The following ZNF829 variants were observed in gnomAD, a reference collection of about 807,000 sequenced individuals.
ZNF829 encodes zinc finger protein 829.
Under a neutral mutation model 35.2 loss-of-function variants are expected in ZNF829, and 25 were observed. The ratio of observed to expected loss-of-function variants is 0.71; its 90% CI spans 0.52 to 0.99. The LOEUF is 0.99. ZNF829 is among the 50% of genes least tolerant of loss of function. ZNF829 has a pLI of 0.00. For missense variants in ZNF829, 417 were observed against 515.3 expected (o/e 0.81, Z 1.85); for synonymous variants, 136 against 163.2 (o/e 0.83, Z 1.27).
Position 36,914,989 on chromosome 19 carries a change from A to G in ZNF829, c.72T>C (p.Asp24=). The G allele has an allele frequency of 6.2e-7, 1 of 1,614,200 alleles. No individual in the cohort carries two copies. The highest frequency in any genetic ancestry group is 8.5e-7 in the Non-Finnish European group (1 of 1,180,024). The change falls in exon 3 of 6, where the codon GAT becomes GAC. Residue 24 remains aspartate (D), a synonymous_variant. Transcript: ENST00000391711. ...CHPEEEERMH[D]ELLQAVSKGP... ...CCTTGGATACTGCTTGTAGAAGTTC[A>G]TCATGCATTCTTTCCTCCTCTTCTG...
chr19:36,915,706 T>G, intron 1 of ZNF829: 1 of 708,116 alleles, frequency 1.4e-6, no homozygotes, highest in South Asian at 1.8e-5. Context: ...CAAGTGATTC[T>G]CCTGCCTCAG....
chr19:36,889,996 T>A lies in ZNF829; in HGVS notation c.*1496A>T, dbSNP rs191057402. 2 of 152,218 alleles carry A rather than the reference T, an allele frequency of 1.3e-5. No homozygotes were observed. Among genetic ancestry groups the A allele is most frequent in the African/African-American group, 4.8e-5 (2 of 41,470 alleles). 9.4% of individuals were successfully genotyped at this position (152,218 alleles called of 1,614,324 possible). On this transcript the variant is annotated 3_prime_UTR_variant, in exon 6 of 6. Coordinates refer to ENST00000391711, the MANE Select transcript of ZNF829 (RefSeq NM_001037232.4). ...TATTTTCATTTATTTCAAAAAATTT[T>A]AAATTTCCACCTTAGTTTCATCATT...
At chr19:36,915,958 G>A (rs2073324078) in intron 1 of ZNF829, 53 bp downstream of exon 1, 4 of 1,532,748 alleles carry the variant, frequency 2.6e-6, no homozygotes, top group East Asian at 2.5e-5. Flanking sequence ...CAGTCATCCC[G>A]GATGGGAACT....
intron 5 of ZNF829, among the ~76,000 whole-genome samples, chr19:36,900,261 A>C (rs1257101262): frequency 6.6e-6 from 1 of 151,656 alleles, no homozygotes; most frequent in Non-Finnish European, 1.5e-5. Flanking sequence ...GAGGCATGAG[A>C]ATCACTTGAA....
rs1471853016 is a variant in ZNF829, at chr19:36,915,117, C to G, written c.38+13G>C. The G allele has an allele frequency of 1.2e-6, 2 of 1,614,032 alleles. No homozygotes were observed. Among genetic ancestry groups the G allele is most frequent in the African/African-American group, 1.3e-5 (1 of 74,980 alleles). On this transcript the variant is annotated intron_variant, in intron 2 of 5. Transcript: ENST00000391711. ...TAGTCAAGTAAGAGTTCTTCCCCAG[C>G]CCCATTACCCACCACACATGAGGAA...
At position 36,891,767 on chromosome 19, in the gene ZNF829, GGTTA is replaced by G. The variant is rs2073055738; in HGVS notation, c.1020_1023del (p.Asn341IlefsTer93). On this transcript the variant is annotated frameshift_variant, in exon 6 of 6. Transcript: ENST00000391711. LOFTEE classifies it high-confidence loss of function. ...TTCTCACCAGCATGAATTCTGTGAT[GGTTA>G]GTAAGTGTTGAGGCACTATTAAAGG... 3 of 1,614,022 alleles carry G rather than the reference GGTTA, an allele frequency of 1.9e-6. No homozygotes were observed. Among genetic ancestry groups the G allele is most frequent in the South Asian group, 1.1e-5 (1 of 91,080 alleles).
chr19:36,907,700 A>G (rs1334743318), intron 5 of ZNF829: 4 of 400,550 alleles, frequency 1.0e-5, no homozygotes, highest in African/African-American at 8.5e-5. Context: ...ATCTAAACGT[A>G]GCGTATCATA....
chr19:36,916,013 C>T lies in ZNF829; in HGVS notation c.-87G>A. 1 of 1,328,960 alleles carries T rather than the reference C, an allele frequency of 7.5e-7. No individual in the cohort carries two copies. Among genetic ancestry groups the T allele is most frequent in the Non-Finnish European group, 1.0e-6 (1 of 981,480 alleles). The allele number at this position is 1,328,960 out of a possible 1,614,324, so 82.3% of individuals were successfully genotyped here. A position where few individuals can be genotyped will look rare whatever the true frequency, so the allele number is the denominator to read the frequency against. On this transcript the variant is annotated splice_region_variant and 5_prime_UTR_variant, in exon 1 of 6. Transcript: ENST00000391711. This position sits in a 1 kb window ranked among gnomAD's most constrained non-coding sequence, Gnocchi z 5.3. ...TCCTGGGGACCAAAATATCTCACCT[C>T]CCAGATCTAAGGGTCCCGCCAGGAG...
chr19:36,911,960 A>T (rs2073268085), intron 3 of ZNF829, among the ~76,000 whole-genome samples: 1 of 152,200 alleles, frequency 6.6e-6, no homozygotes, highest in African/African-American at 2.4e-5. Flanking sequence ...AGAGACTCTT[A>T]ATAGTGTCTC....
chr19:36,893,099 T>G (rs531426273), intron 5 of ZNF829: 1 of 397,898 alleles, frequency 2.5e-6, no homozygotes, highest in African/African-American at 2.1e-5. Flanking sequence ...AAAGGACTGT[T>G]AAGAATAACA....
intron 3 of ZNF829, 37 bp downstream of exon 3, chr19:36,914,928 A>T (rs371109892): frequency 9.6e-5 from 155 of 1,608,460 alleles, no homozygotes; most frequent in Non-Finnish European, 1.2e-4. Flanking sequence ...CCTTTAAGCA[A>T]GAATTTTCAG....
chr19:36,900,145 A>AAC (rs56218050), intron 5 of ZNF829, among the ~76,000 whole-genome samples: 3,381 of 120,362 alleles, frequency 0.028, 52 homozygotes, highest in African/African-American at 0.034. Context: ...GTCTCTACTA[A>AAC]ACACACACAC....
At chr19:36,894,810 C>T (rs1600730085) in intron 5 of ZNF829, among the ~76,000 whole-genome samples, 1 of 152,036 alleles carries the variant, frequency 6.6e-6, no homozygotes, top group East Asian at 1.9e-4. Context: ...TATGGGACAT[C>T]ATAAAGCAAC....
In ZNF829 at chr19:36,915,931, C is replaced by T. The variant is rs1350247600; in HGVS notation, c.-85+80G>A. 3 of 1,535,862 alleles carry T rather than the reference C, an allele frequency of 2.0e-6. No individual in the cohort carries two copies. The African/African-American group carries it at 4.1e-5, about 21-fold the overall frequency. Reference sequence around the variant, plus strand: ...CAGCTCCCCATCGGTCTTCGGTATCCTCACCTAAGCCCTTTCCAGTCATCC... The same window carrying T: ...CAGCTCCCCATCGGTCTTCGGTATCTTCACCTAAGCCCTTTCCAGTCATCC... On this transcript the variant is annotated intron_variant, in intron 1 of 5. Coordinates refer to ENST00000391711, the MANE Select transcript of ZNF829 (RefSeq NM_001037232.4).
At chr19:36,899,875 C>A (rs528084629) in intron 5 of ZNF829, among the ~76,000 whole-genome samples, 1 of 150,892 alleles carries the variant, frequency 6.6e-6, no homozygotes, top group African/African-American at 2.4e-5. Context: ...AGAATTTATA[C>A]AATAATTTTT....
At position 36,911,247 on chromosome 19, in the gene ZNF829, C is replaced by T. The variant is rs910036747; in HGVS notation, c.97-2788G>A. 2.6e-5 allele frequency among the ~76,000 whole-genome samples: 4 copies of T among 151,430 alleles called. No homozygotes were observed. In the South Asian group the frequency reaches 8.4e-4, roughly 32 times the overall value. On this transcript the variant is annotated intron_variant, in intron 3 of 5. Transcript: ENST00000391711. Reference sequence around the variant, plus strand: ...TTTTTCTTTGAGACTGAGTCTACTCCATCACCCAGGCTGGAGTGCAGTGGT... The same window carrying T: ...TTTTTCTTTGAGACTGAGTCTACTCTATCACCCAGGCTGGAGTGCAGTGGT...
chr19:36,901,069 T>C (rs150751205), intron 5 of ZNF829, among the ~76,000 whole-genome samples: 12 of 152,268 alleles, frequency 7.9e-5, no homozygotes, highest in African/African-American at 2.9e-4. Context: ...CAAAAACTTA[T>C]AGACATGTTC....
At chr19:36,900,719 G>T (rs1364533068) in intron 5 of ZNF829, among the ~76,000 whole-genome samples, 1 of 151,906 alleles carries the variant, frequency 6.6e-6, no homozygotes, top group Non-Finnish European at 1.5e-5. Flanking sequence ...GTGGTGGCAT[G>T]AGCATGTAAT....
At chr19:36,893,290 A>T (rs2073079711) in intron 5 of ZNF829, among the ~76,000 whole-genome samples, 1 of 152,164 alleles carries the variant, frequency 6.6e-6, no homozygotes, top group Non-Finnish European at 1.5e-5. Flanking sequence ...ACTGAAAATA[A>T]TTTGCTCTGG....
Sources: gnomAD v4.1 joint callset for allele counts (sites outside exome capture counted in the v4.1 genomes callset) on GRCh38, gnomAD v4.1.1 for gene constraint, Gnocchi (gnomAD v3.1) non-coding constraint, MANE v1.5 for transcripts, NCBI Gene and HGNC (gene_info 2026-07-23, HGNC 2026-07-21) for gene names.